LCA5L: variants seen among roughly 807,000 people sequenced by gnomAD.
LCA5L encodes the protein lebercilin LCA5 like.
In LCA5L, 35 loss-of-function variants were observed where a neutral mutation model predicts 45.4. The ratio of observed to expected loss-of-function variants is 0.77; its 90% CI spans 0.59 to 1.02. The LOEUF (loss-of-function observed/expected upper bound fraction) is 1.02. Among genes scored for constraint, LCA5L ranks in the 50% least tolerant of loss-of-function variants. The probability of loss-of-function intolerance (pLI) is 0.00; values close to 1 mark genes in which losing one functional copy is unlikely to be tolerated. For missense variants in LCA5L, 668 were observed against 761.6 expected (o/e 0.88, Z 1.45); for synonymous variants, 233 against 264.7 (o/e 0.88, Z 1.16).
chr21:39,422,332 C>T (rs2073909188), intron 6 of LCA5L: 1 of 152,240 alleles, frequency 6.6e-6, no homozygotes, highest in Non-Finnish European at 1.5e-5. Context: ...GATATCAATG[C>T]CTTCTCCCAA....
chr21:39,415,846 T>G (rs1228924383), intron 7 of LCA5L, among the ~76,000 whole-genome samples: 1 of 152,230 alleles, frequency 6.6e-6, no homozygotes, highest in African/African-American at 2.4e-5. Flanking sequence ...TGCTGCTGAC[T>G]GCATCCCATC....
At chr21:39,432,374 G>A (rs1354740268) in intron 3 of LCA5L, among the ~76,000 whole-genome samples, 3 of 152,112 alleles carry the variant, frequency 2.0e-5, no homozygotes, top group Admixed American at 2.0e-4. Flanking sequence ...AATGAATTTT[G>A]TACCTGATTC....
intron 5 of LCA5L, 87 bp from the exon 6 acceptor site, chr21:39,423,577 C>T (rs2074101914): frequency 8.7e-7 from 1 of 1,156,058 alleles, no homozygotes; most frequent in African/African-American, 1.5e-5. Flanking sequence ...TCCCATGCCC[C>T]CATGCACACA....
At chr21:39,430,257 G>GT (rs1013820191) in intron 3 of LCA5L, among the ~76,000 whole-genome samples, 18 of 152,078 alleles carry the variant, frequency 1.2e-4, no homozygotes, top group Non-Finnish European at 2.4e-4. Flanking sequence ...AGAAGAATTT[G>GT]TTTTTTTGGC....
intron 6 of LCA5L, 111 bp downstream of exon 6, chr21:39,422,865 G>C: frequency 1.0e-6 from 1 of 994,860 alleles, no homozygotes; most frequent in South Asian, 1.6e-5. Context: ...AGCACGCCAA[G>C]TGAAGCAGTT....
At position 39,420,522 on chromosome 21, in the gene LCA5L, C is replaced by CAA. The variant is rs397972848; in HGVS notation, c.975+182_975+183dup. On this transcript the variant is annotated intron_variant, in intron 7 of 10. Transcript: ENST00000288350. Reference sequence around the variant, plus strand: ...TGGGTGACAGAGCAAGATTCTATCTCAAAAAAAAAAAAAAAAAAAGATAAA... The same window carrying CAA: ...TGGGTGACAGAGCAAGATTCTATCTCAAAAAAAAAAAAAAAAAAAAAGATAAA... Among the ~76,000 whole-genome samples, 209 of 87,124 alleles carry CAA rather than the reference C, an allele frequency of 2.4e-3. 6 individuals carry two copies. The East Asian group carries it at 0.044, about 18-fold the overall frequency. 57.2% of individuals were successfully genotyped at this position (87,124 alleles called of 152,430 possible).
Position 39,406,120 on chromosome 21 carries a change from C to A in LCA5L, c.1775G>T (p.Arg592Ile). The A allele has an allele frequency of 6.2e-7, 1 of 1,614,244 alleles. No homozygotes were observed. The highest frequency in any genetic ancestry group is 1.1e-5 in the South Asian group (1 of 91,084). Residue 592 changes from arginine (R) to isoleucine (I), a missense_variant, in exon 11 of 11, where the codon AGA becomes ATA. Coordinates refer to ENST00000288350, the MANE Select transcript of LCA5L (RefSeq NM_152505.4). ...TTCCATGAGACTGCTTTTCTTATCT[C>A]TGAAAGTTGTATCCTTCACTTTTAT... is the stretch of plus-strand genomic sequence containing the variant. Reference protein sequence around the residue: ...SRIKVKDTTFRDKKSSLMEEL... With the variant: ...SRIKVKDTTFIDKKSSLMEEL...
At chr21:39,414,889 T>C (rs2040863872) in intron 7 of LCA5L, among the ~76,000 whole-genome samples, 1 of 152,124 alleles carries the variant, frequency 6.6e-6, no homozygotes, top group East Asian at 1.9e-4. Context: ...GTAGTTTTGG[T>C]ATTCCTTTCT....
chr21:39,414,396 C>T (rs1329403347), intron 7 of LCA5L: 1 of 152,012 alleles, frequency 6.6e-6, no homozygotes, highest in Admixed American at 6.6e-5. Context: ...CAGAAGTGGG[C>T]CTAGAACTCG....
At chr21:39,433,597 C>T (rs921984461) in intron 3 of LCA5L, among the ~76,000 whole-genome samples, 2 of 152,004 alleles carry the variant, frequency 1.3e-5, no homozygotes, top group Non-Finnish European at 2.9e-5. Context: ...CATCTAATTG[C>T]TTCAGCACCG....
At chr21:39,410,938 G>A in intron 8 of LCA5L, 1 of 471,034 alleles carries the variant, frequency 2.1e-6, no homozygotes, top group Non-Finnish European at 4.4e-6. Flanking sequence ...TAAAACAGAG[G>A]TGAGTATTCC....
At chr21:39,425,121 GAGA>G (rs1386575858) in intron 5 of LCA5L, among the ~76,000 whole-genome samples, 1 of 152,182 alleles carries the variant, frequency 6.6e-6, no homozygotes, top group Non-Finnish European at 1.5e-5. Context: ...TCTAGATTCG[GAGA>G]AGGAGAAATT....
At chr21:39,406,698 A>G in intron 10 of LCA5L, 86 bp from the exon 11 acceptor site, 1 of 1,000,866 alleles carries the variant, frequency 1.0e-6, no homozygotes, top group South Asian at 1.6e-5. Flanking sequence ...ACTTACGTGC[A>G]CCGCCTCACA....
chr21:39,408,634 A>C (rs2837011), intron 10 of LCA5L: 116,201 of 152,408 alleles, frequency 0.76, 44,665 homozygotes, highest in African/African-American at 0.84. Flanking sequence ...TCTCCTTGGA[A>C]CCCAAAGAAG....
intron 5 of LCA5L, among the ~76,000 whole-genome samples, chr21:39,423,967 C>G (rs946142253): frequency 4.0e-5 from 6 of 151,876 alleles, no homozygotes; most frequent in Admixed American, 3.3e-4. Flanking sequence ...CCAGCCTGAT[C>G]AACAGAGTTA....
intron 7 of LCA5L, among the ~76,000 whole-genome samples, chr21:39,417,064 G>A (rs1363840407): frequency 1.3e-5 from 2 of 152,130 alleles, no homozygotes; most frequent in African/African-American, 2.4e-5. Flanking sequence ...ACAGAGTCTC[G>A]CTCTGTCACC....
intron 7 of LCA5L, among the ~76,000 whole-genome samples, chr21:39,414,580 C>G (rs992269243): frequency 6.6e-6 from 1 of 152,130 alleles, no homozygotes; most frequent in Non-Finnish European, 1.5e-5. Flanking sequence ...CCTCGTGACT[C>G]GCTACCAAAA....
rs2042156598 is a variant in LCA5L, at chr21:39,420,696, A to G, written c.975+10T>C. 1 of 1,605,120 alleles carries G rather than the reference A, an allele frequency of 6.2e-7. No homozygotes were observed. On this transcript the variant is annotated intron_variant, in intron 7 of 10. Transcript: ENST00000288350. ...GATTTCATTCTTACATTTTGTTTTA[A>G]AAGAAATACCTTAAGTTTTTGTTGA...
At position 39,411,741 on chromosome 21, in the gene LCA5L, T is replaced by C. The variant is rs765687091; in HGVS notation, c.1037A>G (p.His346Arg). The change falls in exon 8 of 11, where the codon CAT (histidine) becomes CGT (arginine). Residue 346 changes from histidine (H) to arginine (R), a missense_variant. By Grantham distance (29) the His-to-Arg change is conservative (BLOSUM62 0). Transcript: ENST00000288350. ...IYSHRILKNL[H>R]DTEDYPKVSS... is the part of the protein sequence containing the mutation. ...ACCTTTTGGATAGTCCTCTGTGTCA[T>C]GTAAATTTTTAAGTATTCGATGACT... 14 of 1,561,384 alleles carry C rather than the reference T, an allele frequency of 9.0e-6. No individual in the cohort carries two copies. Among genetic ancestry groups the C allele is most frequent in the South Asian group, 2.3e-5 (2 of 85,408 alleles).
Sources: allele counts gnomAD v4.1 joint callset (sites outside exome capture counted in the v4.1 genomes callset), GRCh38; gene constraint gnomAD v4.1.1; transcripts MANE v1.5; gene names NCBI Gene and HGNC (gene_info 2026-07-23, HGNC 2026-07-21).